The following SLC12A3 variants were observed in gnomAD, a reference collection of about 807,000 sequenced individuals.
The protein encoded by SLC12A3 is Na-Cl cotransporter.
SLC12A3 carries 104 observed loss-of-function variants against 121.0 expected under a neutral mutation model. The ratio of observed to expected loss-of-function variants is 0.86; its 90% CI spans 0.73 to 1.01. SLC12A3 has a LOEUF of 1.01. SLC12A3 is among the 50% of genes least tolerant of loss of function. The pLI, the probability that SLC12A3 is intolerant of heterozygous loss-of-function variation, is 0.00. For synonymous variants in SLC12A3, 536 were observed against 533.4 expected (o/e 1.00, Z -0.07); for missense variants, 1,328 against 1,356.3 (o/e 0.98, Z 0.33).
chr16:56,915,542 C>A lies in SLC12A3; in HGVS notation c.*2137C>A, dbSNP rs2055740119. 1 of 152,214 alleles carries A rather than the reference C, an allele frequency of 6.6e-6. No individual in the cohort carries two copies. 9.4% of individuals were successfully genotyped at this position (152,214 alleles called of 1,614,324 possible). ...GCTCCTGAGGGACCTGGAGGATGGG[C>A]CTGCCTCCCAGCCATTGAGCTGGAT... is the stretch of plus-strand genomic sequence containing the variant. On this transcript the variant is annotated 3_prime_UTR_variant, in exon 26 of 26. Coordinates refer to ENST00000563236, the MANE Select transcript of SLC12A3 (RefSeq NM_001126108.2).
At chr16:56,866,916 A>C (rs1277524558) in intron 1 of SLC12A3, among the ~76,000 whole-genome samples, 154 bp from the exon 2 acceptor site, 1 of 152,222 alleles carries the variant, frequency 6.6e-6, no homozygotes, top group East Asian at 1.9e-4. Context: ...CCTAGGGAGC[A>C]TTTTAAAAGC....
Position 56,867,135 on chromosome 16 carries a change from G to A in SLC12A3, c.348G>A (p.Gly116=), listed in dbSNP as rs149890322. Residue 116 remains glycine, a synonymous_variant, in exon 2 of 26, where the codon GGG becomes GGA. Coordinates refer to ENST00000563236, the MANE Select transcript of SLC12A3 (RefSeq NM_001126108.2). ...GGCCCAGCCACGAGATGACTGATGG[G>A]CTGGTGGAGGGCGAGGCAGGCACCA... The part of the protein sequence containing the change: ...DSRPSHEMTD[G]LVEGEAGTSS... The A allele has an allele frequency of 5.7e-5, 92 of 1,613,960 alleles. No homozygotes were observed. The highest frequency in any genetic ancestry group is 7.4e-5 in the Non-Finnish European group (87 of 1,180,032).
At chr16:56,867,837 G>C (rs975752033) in intron 2 of SLC12A3, among the ~76,000 whole-genome samples, 3 of 152,200 alleles carry the variant, frequency 2.0e-5, no homozygotes, top group Non-Finnish European at 4.4e-5. Context: ...CCTCCATCTC[G>C]GCCTCTGGCT....
chr16:56,897,748 G>A (rs964200451), intron 22 of SLC12A3, among the ~76,000 whole-genome samples: 2 of 152,150 alleles, frequency 1.3e-5, no homozygotes, highest in African/African-American at 2.4e-5. Context: ...TGGTGGGAAG[G>A]TTAGGTAACC....
intron 25 of SLC12A3, among the ~76,000 whole-genome samples, chr16:56,909,861 C>T (rs568528089): frequency 2.0e-5 from 3 of 152,036 alleles, no homozygotes; most frequent in Non-Finnish European, 4.4e-5. Context: ...TCTGGGAGAG[C>T]GTGCTTGGAG....
chr16:56,884,304 T>A, intron 14 of SLC12A3, 100 bp downstream of exon 14: 1 of 1,276,702 alleles, frequency 7.8e-7, no homozygotes, highest in Non-Finnish European at 1.1e-6. Flanking sequence ...AGTCCGGCTC[T>A]GTGCTGTCCA....
rs767652342 is a variant in SLC12A3 at position 56,865,399 on chromosome 16, C to T, written c.164C>T (p.Thr55Ile). 1 of 1,614,118 alleles carries T rather than the reference C, an allele frequency of 6.2e-7. No individual in the cohort carries two copies. The highest frequency in any genetic ancestry group is 1.3e-5 in the African/African-American group (1 of 74,944). Reference protein sequence around the residue: ...LTHSSTFCMRTFGYNTIDVVP... With the variant: ...LTHSSTFCMRIFGYNTIDVVP... Reference sequence around the variant, plus strand: ...CACAGCAGCACCTTCTGCATGCGCACCTTTGGCTACAACACGATCGATGTG... The same window carrying T: ...CACAGCAGCACCTTCTGCATGCGCATCTTTGGCTACAACACGATCGATGTG... Residue 55 changes from threonine (T) to isoleucine (I), a missense_variant, in exon 1 of 26, where the codon ACC becomes ATC. Physicochemically the swap from Thr to Ile is moderately conservative, Grantham distance 89. Transcript: ENST00000563236.
At position 56,886,509 on chromosome 16, in the gene SLC12A3, G is replaced by A. The variant is rs1223252602; in HGVS notation, c.2037+34G>A. 3 of 1,557,872 alleles carry A rather than the reference G, an allele frequency of 1.9e-6. No homozygotes were observed. In the East Asian group the frequency reaches 6.7e-5, roughly 35 times the overall value. On this transcript the variant is annotated intron_variant, in intron 16 of 25. Coordinates refer to ENST00000563236, the MANE Select transcript of SLC12A3 (RefSeq NM_001126108.2). Reference sequence around the variant, plus strand: ...CCCCTGGAGGGGCACAGGGGACCAGGCATGGTGGCTCATGCCTGTAAACCC... The same window carrying A: ...CCCCTGGAGGGGCACAGGGGACCAGACATGGTGGCTCATGCCTGTAAACCC...
chr16:56,902,565 T>C, intron 24 of SLC12A3, 57 bp downstream of exon 24: 2 of 1,602,626 alleles, frequency 1.2e-6, no homozygotes, highest in Non-Finnish European at 8.5e-7. Context: ...GGGACGGGTG[T>C]CCTGCATGTC....
intron 1 of SLC12A3, among the ~76,000 whole-genome samples, chr16:56,866,044 G>A (rs1474103987): frequency 4.6e-5 from 7 of 151,498 alleles, no homozygotes; most frequent in African/African-American, 7.3e-5. Context: ...GGAGTGCAGT[G>A]GTGTGATCTC....
intron 25 of SLC12A3, among the ~76,000 whole-genome samples, chr16:56,906,147 A>C (rs2055605511): frequency 6.6e-6 from 1 of 152,334 alleles, no homozygotes; most frequent in South Asian, 2.1e-4. Context: ...ACCTCAGAAC[A>C]AGTGGTCCAT....
chr16:56,912,591 C>T (rs990567567), intron 25 of SLC12A3, among the ~76,000 whole-genome samples: 2 of 152,188 alleles, frequency 1.3e-5, no homozygotes, highest in Admixed American at 6.5e-5. Flanking sequence ...AGGGAAGGGT[C>T]GCCCACTTAA....
chr16:56,893,925 CT>C (rs2055424419), intron 21 of SLC12A3, among the ~76,000 whole-genome samples: 1 of 148,420 alleles, frequency 6.7e-6, no homozygotes, highest in Admixed American at 6.7e-5. Context: ...CTACAGGCGG[CT>C]GCCACCACAC....
At chr16:56,895,929 T>C (rs13334864) in intron 22 of SLC12A3, among the ~76,000 whole-genome samples, 43,589 of 151,684 alleles carry the variant, frequency 0.29, 7,529 homozygotes, top group African/African-American at 0.49. Context: ...CAAGAGGGTT[T>C]GTGGCCCTCT....
intron 25 of SLC12A3, among the ~76,000 whole-genome samples, chr16:56,911,806 G>A (rs569009807): frequency 6.6e-5 from 10 of 152,228 alleles, no homozygotes; most frequent in African/African-American, 1.4e-4. Context: ...CAGCTTTGCC[G>A]CCGCTGGCTT....
At position 56,913,423 on chromosome 16, in the gene SLC12A3, C is replaced by T. The variant is rs2289112; in HGVS notation, c.*18C>T. The T allele has an allele frequency of 6.2e-7, 1 of 1,613,400 alleles. No homozygotes were observed. Among genetic ancestry groups the T allele is most frequent in the Non-Finnish European group, 8.5e-7 (1 of 1,179,314 alleles). On this transcript the variant is annotated 3_prime_UTR_variant, in exon 26 of 26. Coordinates refer to ENST00000563236, the MANE Select transcript of SLC12A3 (RefSeq NM_001126108.2). Reference sequence around the variant, plus strand: ...GCCAGTAACTCCAGGCTTTGACATCCCTGTCCACAGCTCTGAGTGTGTGGG... The same window carrying T: ...GCCAGTAACTCCAGGCTTTGACATCTCTGTCCACAGCTCTGAGTGTGTGGG...
chr16:56,911,129 A>G (rs1458928028), intron 25 of SLC12A3, among the ~76,000 whole-genome samples: 1 of 152,180 alleles, frequency 6.6e-6, no homozygotes, highest in Non-Finnish European at 1.5e-5. Flanking sequence ...CAGTCCCCGA[A>G]ATCATGTCCT....
At position 56,915,732 on chromosome 16, in the gene SLC12A3, G is replaced by A. The variant is rs867129711; in HGVS notation, c.*2327G>A. 2 of 152,114 alleles carry A rather than the reference G, an allele frequency of 1.3e-5. No homozygotes were observed. The highest frequency in any genetic ancestry group is 2.1e-4 in the South Asian group (1 of 4,822). 9.4% of individuals were successfully genotyped at this position (152,114 alleles called of 1,614,324 possible). A position where few individuals can be genotyped will look rare whatever the true frequency, so the allele number is the denominator to read the frequency against. On this transcript the variant is annotated 3_prime_UTR_variant, in exon 26 of 26. Transcript: ENST00000563236. ...CGGGTGTCAAAAAAAAAATTTTCAC[G>A]ATGTCAGAAATAGTATGTTTTTAAC...
chr16:56,872,594 G>T, intron 7 of SLC12A3, 62 bp from the exon 8 acceptor site: 1 of 1,613,014 alleles, frequency 6.2e-7, no homozygotes. Context: ...TGCCCAGTGG[G>T]TCCCAGCAAG....
Sources: gnomAD v4.1 joint callset for allele counts (sites outside exome capture counted in the v4.1 genomes callset) on GRCh38, gnomAD v4.1.1 for gene constraint, MANE v1.5 for transcripts, NCBI Gene and HGNC (gene_info 2026-07-23, HGNC 2026-07-21) for gene names.